Variants in AP3M2 observed in about 807,000 individuals in gnomAD.
AP3M2 encodes the protein AP-3 complex subunit mu-2.
A neutral mutation model predicts 41.6 loss-of-function variants in AP3M2; 28 were observed. The observed-to-expected ratio is 0.67, with a 90% CI of 0.50 to 0.92. AP3M2 has a LOEUF of 0.92. Ranked by LOEUF, AP3M2 falls within the 40% of genes least tolerant of loss-of-function variation. The probability of loss-of-function intolerance (pLI) is 0.00; values close to 1 mark genes in which losing one functional copy is unlikely to be tolerated. For synonymous variants in AP3M2, 193 were observed against 186.4 expected, an observed-to-expected ratio of 1.04 and a Z score of -0.29; for missense variants, 427 against 521.4, an observed-to-expected ratio of 0.82 and a Z score of 1.76.
chr8:42,166,475 G>A (rs549735866), intron 6 of AP3M2, among the ~76,000 whole-genome samples: 1 of 149,912 alleles, frequency 6.7e-6, no homozygotes, highest in African/African-American at 2.5e-5. Flanking sequence ...TGGGGTTTTT[G>A]TAAGGACCAG....
rs764961587 is a variant in AP3M2, at chr8:42,154,802, G to A, written c.115G>A (p.Ala39Thr). The change falls in exon 2 of 9, where the codon GCT becomes ACT. Residue 39 changes from alanine to threonine, a missense_variant. Coordinates refer to ENST00000396926, the MANE Select transcript of AP3M2 (RefSeq NM_006803.4). ...CDYFFEAQER[A>T]TEAENVPPVI... is the part of the protein sequence containing the mutation. The stretch of plus-strand genomic sequence containing the variant: ...TTACTTTTTTGAGGCGCAAGAGAGA[G>A]CTACTGAGGCAGAAAATGTGCCTCC... The A allele has an allele frequency of 3.1e-6, 5 of 1,614,024 alleles. No homozygotes were observed. Among genetic ancestry groups the A allele is most frequent in the South Asian group, 1.1e-5 (1 of 91,088 alleles).
intron 4 of AP3M2, among the ~76,000 whole-genome samples, chr8:42,163,241 A>G (rs1804556276): frequency 6.6e-6 from 1 of 152,152 alleles, no homozygotes; most frequent in South Asian, 2.1e-4. Context: ...AGCTATGATT[A>G]TGGCTGTGAA....
intron 4 of AP3M2, among the ~76,000 whole-genome samples, chr8:42,163,083 A>G (rs986474911): frequency 1.1e-4 from 16 of 151,596 alleles, no homozygotes; most frequent in Non-Finnish European, 2.2e-4. Flanking sequence ...TGCCTTTTCT[A>G]TGTGTTCTGA....
chr8:42,166,591 C>CAAAAAAAAAAAAAAAAAAAA (rs56858276), intron 6 of AP3M2, among the ~76,000 whole-genome samples: 15 of 77,066 alleles, frequency 1.9e-4, no homozygotes, highest in African/African-American at 4.8e-4. Flanking sequence ...CTTGTCTCTA[C>CAAAAAAAAAAAAAAAAAAAA]AAAAAAAAAA....
intron 4 of AP3M2, 131 bp downstream of exon 4, chr8:42,162,549 C>T (rs1211160916): frequency 3.8e-6 from 4 of 1,065,462 alleles, no homozygotes; most frequent in African/African-American, 3.2e-5. Context: ...TTGTGCCAGG[C>T]ACTGTGCTGG....
chr8:42,158,616 A>T (rs1804423472), intron 3 of AP3M2, among the ~76,000 whole-genome samples: 1 of 152,188 alleles, frequency 6.6e-6, no homozygotes, highest in African/African-American at 2.4e-5. Context: ...GATTTTAATG[A>T]CAAAATGAAG....
rs186429437 is a variant in AP3M2 at position 42,169,996 on chromosome 8, C to G, written c.*935C>G. On this transcript the variant is annotated 3_prime_UTR_variant, in exon 9 of 9. Coordinates refer to ENST00000396926, the MANE Select transcript of AP3M2 (RefSeq NM_006803.4). ...GTTTCAGAGAAGCCGATCCCATAAT[C>G]CCCAGTGCAGCCAGGGTTTGTGTGT... The G allele has an allele frequency of 1.0e-3, 153 of 152,348 alleles. No homozygotes were observed. Among genetic ancestry groups the G allele is most frequent in the African/African-American group, 3.3e-3 (137 of 41,574 alleles). 9.4% of individuals were successfully genotyped at this position (152,348 alleles called of 1,614,324 possible).
Position 42,167,669 on chromosome 8 carries a change from C to T in AP3M2, c.1015C>T (p.Leu339=). The change falls in exon 8 of 9, where the codon CTG becomes TTG. Residue 339 remains leucine, a synonymous_variant. Coordinates refer to ENST00000396926, the MANE Select transcript of AP3M2 (RefSeq NM_006803.4). ...TCCATTTTTATTTTCTTTGAAGATG[C>T]TGTCTTGGGATGTAGGAAAAATAAA... is the stretch of plus-strand genomic sequence containing the variant. The part of the protein sequence containing the change: ...THTFDPVTKM[L]SWDVGKINPQ... 4 of 1,598,762 alleles carry T rather than the reference C, an allele frequency of 2.5e-6. No individual in the cohort carries two copies. Among genetic ancestry groups the T allele is most frequent in the Non-Finnish European group, 3.4e-6 (4 of 1,176,170 alleles).
intron 3 of AP3M2, among the ~76,000 whole-genome samples, chr8:42,160,780 A>G (rs1804486445): frequency 6.6e-6 from 1 of 152,130 alleles, no homozygotes; most frequent in African/African-American, 2.4e-5. Context: ...GTCTGTTTTT[A>G]GGCTTTCCTG....
chr8:42,162,182 G>A (rs1228936497), intron 3 of AP3M2, 99 bp from the exon 4 acceptor site: 18 of 1,176,094 alleles, frequency 1.5e-5, no homozygotes, highest in Admixed American at 2.7e-5. Context: ...TTCTTCAATT[G>A]AGTGCATGAA....
intron 4 of AP3M2, 131 bp downstream of exon 4, chr8:42,162,549 C>A: frequency 9.4e-7 from 1 of 1,065,582 alleles, no homozygotes; most frequent in Non-Finnish European, 1.3e-6. Flanking sequence ...TTGTGCCAGG[C>A]ACTGTGCTGG....
chr8:42,161,762 A>T (rs1206747121), intron 3 of AP3M2, among the ~76,000 whole-genome samples: 1 of 152,218 alleles, frequency 6.6e-6, no homozygotes, highest in Non-Finnish European at 1.5e-5. Flanking sequence ...GAAGGAATTG[A>T]TCTACAATTC....
Position 42,165,475 on chromosome 8 carries a change from A to C in AP3M2, c.718A>C (p.Lys240Gln). The part of the protein sequence containing the change: ...DVSFHPCVRF[K>Q]RWESERILSF... ...CAGCTTCCATCCTTGTGTTCGTTTC[A>C]AACGCTGGGAATCTGAGCGCATCCT... The change falls in exon 6 of 9, where the codon AAA becomes CAA. Residue 240 changes from lysine to glutamine, a missense_variant. This residue lies in a region of AP3M2 where 237 missense variants were observed against 284.9 expected (regional missense o/e 0.83). Coordinates refer to ENST00000396926, the MANE Select transcript of AP3M2 (RefSeq NM_006803.4). 6.2e-7 allele frequency: 1 copy of C among 1,614,216 alleles called. No homozygotes were observed. Among genetic ancestry groups the C allele is most frequent in the East Asian group, 2.2e-5 (1 of 44,892 alleles).
chr8:42,168,161 TGA>T, intron 8 of AP3M2: 2 of 479,854 alleles, frequency 4.2e-6, no homozygotes, highest in Non-Finnish European at 8.2e-6. Context: ...CAGCTATAAC[TGA>T]AGTGTAATTT....
At chr8:42,167,912 G>A in intron 8 of AP3M2, 102 bp downstream of exon 8, 2 of 1,407,980 alleles carry the variant, frequency 1.4e-6, no homozygotes, top group Non-Finnish European at 1.9e-6. Flanking sequence ...TGTTTACAAG[G>A]TTTAGTTTCA....
chr8:42,156,073 A>G (rs915427282), intron 2 of AP3M2: 4 of 453,534 alleles, frequency 8.8e-6, no homozygotes, highest in South Asian at 6.3e-5. Context: ...GAAGAACTAG[A>G]AGAACCCAGG....
intron 4 of AP3M2, among the ~76,000 whole-genome samples, chr8:42,162,698 A>G (rs1400345123): frequency 6.6e-6 from 1 of 152,098 alleles, no homozygotes; most frequent in Non-Finnish European, 1.5e-5. Context: ...TAATCCCAGC[A>G]CTTTGGAAAG....
chr8:42,154,030 T>C (rs1003323818), intron 1 of AP3M2: 2 of 152,208 alleles, frequency 1.3e-5, no homozygotes, highest in Admixed American at 1.3e-4. Context: ...ATATCCAAAA[T>C]GTTATTACAA....
chr8:42,154,159 T>C (rs60251175), intron 1 of AP3M2: 1,738 of 155,534 alleles, frequency 0.011, 29 homozygotes, highest in African/African-American at 0.038. Flanking sequence ...ACCAGCCACC[T>C]TTCAAGTGCT....
Sources: allele counts gnomAD v4.1 joint callset (sites outside exome capture counted in the v4.1 genomes callset), GRCh38; gene constraint gnomAD v4.1.1; regional missense constraint gnomAD v4.1.1; transcripts MANE v1.5; gene names NCBI Gene and HGNC (gene_info 2026-07-23, HGNC 2026-07-21).